Variants in COPA observed in about 807,000 individuals in gnomAD.
COPA encodes coat protein complex I subunit alpha.
COPA carries 10 observed loss-of-function variants against 158.7 expected under a neutral mutation model. The observed-to-expected ratio is 0.06, with a 90% CI of 0.04 to 0.11. The LOEUF is 0.11. Among genes scored for constraint, COPA ranks in the 10% least tolerant of loss-of-function variants. The pLI is 1.00. For synonymous variants in COPA, 462 were observed against 542.8 expected, an observed-to-expected ratio of 0.85 and a Z score of 2.07; for missense variants, 1,065 against 1,536.7, an observed-to-expected ratio of 0.69 and a Z score of 5.13.
intron 5 of COPA, chr1:160,333,364 T>G (rs1311780000): frequency 2.5e-6 from 1 of 396,312 alleles, no homozygotes; most frequent in Non-Finnish European, 4.5e-6. Context: ...TAAAAGTTCT[T>G]GTTCTAAAAG....
intron 6 of COPA, 149 bp from the exon 7 acceptor site, chr1:160,325,801 T>C (rs1278298619): frequency 6.2e-6 from 4 of 647,742 alleles, no homozygotes; most frequent in Admixed American, 2.9e-5. Context: ...GAATTCCTAT[T>C]TCTAAAAATG....
chr1:160,341,587 C>A (rs1648051469), intron 1 of COPA, among the ~76,000 whole-genome samples: 1 of 152,172 alleles, frequency 6.6e-6, no homozygotes, highest in South Asian at 2.1e-4. Context: ...TGTAAAAACA[C>A]TGTATCAATA....
intron 13 of COPA, among the ~76,000 whole-genome samples, chr1:160,308,660 G>C (rs961318031): frequency 1.3e-5 from 2 of 152,170 alleles, no homozygotes; most frequent in African/African-American, 4.8e-5. Flanking sequence ...GGTGGGGTGT[G>C]GGGCTGTTAG....
intron 17 of COPA, among the ~76,000 whole-genome samples, chr1:160,300,383 AT>A (rs1185645111): frequency 1.0e-3 from 154 of 151,080 alleles, no homozygotes; most frequent in African/African-American, 3.5e-3. Context: ...AAATAAATAA[AT>A]AAATAAATAG....
intron 21 of COPA, among the ~76,000 whole-genome samples, chr1:160,296,496 G>A (rs978966908): frequency 6.6e-6 from 1 of 152,184 alleles, no homozygotes; most frequent in Non-Finnish European, 1.5e-5. Flanking sequence ...ACAACAGGGA[G>A]CAAGGACATG....
chr1:160,292,092 C>T lies in COPA; in HGVS notation c.3067G>A (p.Glu1023Lys). 1.2e-6 allele frequency: 2 copies of T among 1,614,186 alleles called. No homozygotes were observed. Among genetic ancestry groups the T allele is most frequent in the Non-Finnish European group, 1.7e-6 (2 of 1,180,042 alleles). Residue 1023 changes from glutamate to lysine, a missense_variant, in exon 29 of 33, where the codon GAG becomes AAG. By Grantham distance (56) the Glu-to-Lys change is moderately conservative. Transcript: ENST00000241704. ...CYQLTTVGKF[E>K]EAVEKFRSIL... ...GAACGGAATTTTTCCACAGCCTCCT[C>T]AAATTTGCCAACTGTGGTGAGCTGG...
chr1:160,317,290 C>A (rs1659180426), intron 8 of COPA: 1 of 922,330 alleles, frequency 1.1e-6, no homozygotes, highest in Non-Finnish European at 1.8e-6. Flanking sequence ...GTTACTGCAG[C>A]TGCGGTGTTG....
Position 160,288,995 on chromosome 1 carries a change from G to C in COPA, c.*1162C>G, listed in dbSNP as rs1268338583. ...TTTTTCTTTCTTTTTTTTTGAGATGGAGTCTCACTCTGTCGCCCAGGCTGG... is the reference window on the plus strand; with the variant it reads ...TTTTTCTTTCTTTTTTTTTGAGATGCAGTCTCACTCTGTCGCCCAGGCTGG... On this transcript the variant is annotated 3_prime_UTR_variant, in exon 33 of 33. Coordinates refer to ENST00000241704, the MANE Select transcript of COPA (RefSeq NM_004371.4). 2.0e-5 allele frequency among the ~76,000 whole-genome samples: 3 copies of C among 151,926 alleles called. No individual in the cohort carries two copies. Among genetic ancestry groups the C allele is most frequent in the Non-Finnish European group, 4.4e-5 (3 of 68,000 alleles).
chr1:160,327,313 A>AG (rs1347110827), intron 6 of COPA, among the ~76,000 whole-genome samples: 2 of 145,532 alleles, frequency 1.4e-5, no homozygotes, highest in Non-Finnish European at 3.0e-5. Context: ...GAGACAGGTG[A>AG]ACCACCGCAG....
At chr1:160,305,932 G>C in intron 15 of COPA, 159 bp from the exon 16 acceptor site, 2 of 665,660 alleles carry the variant, frequency 3.0e-6, no homozygotes, top group South Asian at 3.7e-5. Context: ...TAGTAGCTCA[G>C]TGACTTAAAC....
chr1:160,320,651 T>C (rs1404396760), intron 8 of COPA, among the ~76,000 whole-genome samples: 1 of 55,786 alleles, frequency 1.8e-5, no homozygotes, highest in Admixed American at 1.6e-4. Context: ...CACGATAAAA[T>C]AGAAAAACTT....
chr1:160,324,740 T>C (rs903803640), intron 7 of COPA, among the ~76,000 whole-genome samples: 1 of 152,190 alleles, frequency 6.6e-6, no homozygotes, highest in African/African-American at 2.4e-5. Context: ...ATCTAAAATG[T>C]GGTAAAAAAT....
intron 7 of COPA, among the ~76,000 whole-genome samples, 162 bp from the exon 8 acceptor site, chr1:160,323,692 T>A (rs1255685014): frequency 1.3e-5 from 2 of 152,204 alleles, no homozygotes; most frequent in Non-Finnish European, 2.9e-5. Context: ...AGAATTACCA[T>A]GTCTGTCCTC....
chr1:160,290,430 T>C lies in COPA; in HGVS notation c.3615+62A>G. The C allele has an allele frequency of 4.5e-6, 7 of 1,546,184 alleles. No homozygotes were observed. The South Asian group carries it at 6.0e-5, about 13-fold the overall frequency. ...CACAAGAAGAAAAAAAGGACCACCA[T>C]GTTTCTTTCTTTTTCCCCTTCGCTC... On this transcript the variant is annotated intron_variant, in intron 32 of 32. Transcript: ENST00000241704.
At chr1:160,302,821 T>C (rs1437950520) in intron 17 of COPA, among the ~76,000 whole-genome samples, 1 of 152,028 alleles carries the variant, frequency 6.6e-6, no homozygotes, top group Non-Finnish European at 1.5e-5. Context: ...CCCAAAGTGC[T>C]GGGATTACAG....
At chr1:160,292,266 G>T in intron 28 of COPA, 68 bp from the exon 29 acceptor site, 1 of 1,572,816 alleles carries the variant, frequency 6.4e-7, no homozygotes, top group Non-Finnish European at 8.6e-7. Flanking sequence ...TTCCTTTTCT[G>T]GCAAACATCC....
chr1:160,335,390 A>G (rs1479956726), intron 3 of COPA, 68 bp from the exon 4 acceptor site: 65 of 1,248,564 alleles, frequency 5.2e-5, no homozygotes, highest in Non-Finnish European at 7.1e-5. Context: ...AGAGAAATTG[A>G]TATCTTTACA....
chr1:160,332,775 T>C (rs1323817677), intron 5 of COPA, among the ~76,000 whole-genome samples: 2 of 152,222 alleles, frequency 1.3e-5, no homozygotes, highest in Non-Finnish European at 2.9e-5. Flanking sequence ...TATTTAAATA[T>C]TACTAATTTC....
At chr1:160,336,704 CTTAT>C (rs1003263390) in intron 3 of COPA, among the ~76,000 whole-genome samples, 3 of 152,120 alleles carry the variant, frequency 2.0e-5, no homozygotes, top group Admixed American at 6.5e-5. Flanking sequence ...CATTTTTCTT[CTTAT>C]TTAATTTTTT....
Sources: allele counts gnomAD v4.1 joint callset (sites outside exome capture counted in the v4.1 genomes callset), GRCh38; gene constraint gnomAD v4.1.1; transcripts MANE v1.5; gene names NCBI Gene and HGNC (gene_info 2026-07-23, HGNC 2026-07-21).